Variants in SLC44A4 observed in about 807,000 individuals in gnomAD.
SLC44A4 encodes choline transporter-like protein 4.
In SLC44A4, 74 loss-of-function variants were observed where a neutral mutation model predicts 97.0. That is an observed-to-expected ratio of 0.76 (90% CI 0.63 to 0.93). SLC44A4 has a LOEUF of 0.93. Among genes scored for constraint, SLC44A4 ranks in the 40% least tolerant of loss-of-function variants. The pLI is 0.00. For missense variants in SLC44A4, 799 were observed against 902.9 expected (o/e 0.88, Z 1.48); for synonymous variants, 325 against 363.8 (o/e 0.89, Z 1.21).
chr6:31,874,735 C>T lies in SLC44A4; in HGVS notation c.454G>A (p.Val152Ile), dbSNP rs765418730. 5.6e-6 allele frequency: 9 copies of T among 1,612,074 alleles called. No homozygotes were observed. The highest frequency in any genetic ancestry group is 7.6e-6 in the Non-Finnish European group (9 of 1,179,010). The change falls in exon 6 of 21, where the codon GTA becomes ATA. Residue 152 changes from valine to isoleucine, a missense_variant. Val to Ile is a conservative substitution (Grantham distance 29). Transcript: ENST00000229729. The surrounding 1 kb of genome is among the most constrained non-coding windows in gnomAD (Gnocchi z 4.8). ...GCAATATTCACCATATTCCAGGGTA[C>T]CCCTGGCAGACAAAAGTTCCTGTTT... ...TKNRNFCLPG[V>I]PWNMTVITSL...
Position 31,874,503 on chromosome 6 carries a change from C to T in SLC44A4, c.486G>A (p.Leu162=). 1.2e-6 allele frequency: 2 copies of T among 1,612,904 alleles called. No individual in the cohort carries two copies. The highest frequency in any genetic ancestry group is 1.7e-6 in the Non-Finnish European group (2 of 1,179,926). Residue 162 remains leucine (L), a synonymous_variant, in exon 7 of 21, where the codon CTG becomes CTA. Transcript: ENST00000229729. The surrounding 1 kb of genome is among the most constrained non-coding windows in gnomAD (Gnocchi z 4.8). ...GGAAACTGGGGCAGAGTTCCTGTTG[C>T]AGGCTTGTGATCACCGTCTGTGGCA... ...VPWNMTVITS[L]QQELCPSFLL...
At chr6:31,863,776 C>A in intron 20 of SLC44A4, 28 bp from the exon 21 acceptor site, 1 of 1,611,180 alleles carries the variant, frequency 6.2e-7, no homozygotes, top group Non-Finnish European at 8.5e-7. Flanking sequence ...CCGGTTAGAG[C>A]GGACCCTGGG....
At chr6:31,875,623 G>C (rs946116458) in intron 4 of SLC44A4, among the ~76,000 whole-genome samples, 3 of 152,104 alleles carry the variant, frequency 2.0e-5, no homozygotes, top group Non-Finnish European at 4.4e-5. Flanking sequence ...CACTTAACAC[G>C]ACTCTCCACT....
In SLC44A4 at chr6:31,871,407, A is replaced by AG; in HGVS notation, c.618-11dup. On this transcript the variant is annotated splice_polypyrimidine_tract_variant and intron_variant, in intron 8 of 20. Transcript: ENST00000229729. ...GCTGTCAATAAGACCGCTGTTGGGGAGACAGAGTCAGATGGGGCTGTGGGT... is the reference window on the plus strand; with the variant it reads ...GCTGTCAATAAGACCGCTGTTGGGGAGGACAGAGTCAGATGGGGCTGTGGGT... 1 of 1,614,050 alleles carries AG rather than the reference A, an allele frequency of 6.2e-7. No homozygotes were observed. Among genetic ancestry groups the AG allele is most frequent in the Non-Finnish European group, 8.5e-7 (1 of 1,179,952 alleles).
rs1432385482 is a variant in SLC44A4, at chr6:31,877,988, A to G, written c.41-906T>C. The G allele has an allele frequency of 6.6e-6, 1 of 152,026 alleles. No homozygotes were observed. The highest frequency in any genetic ancestry group is 1.5e-5 in the Non-Finnish European group (1 of 68,062). The allele number at this position is 152,026 out of a possible 1,614,324, so 9.4% of individuals were successfully genotyped here. A position where few individuals can be genotyped will look rare whatever the true frequency, so the allele number is the denominator to read the frequency against. On this transcript the variant is annotated intron_variant, in intron 1 of 20. Coordinates refer to ENST00000229729, the MANE Select transcript of SLC44A4 (RefSeq NM_025257.3). This position sits in a 1 kb window ranked among gnomAD's most constrained non-coding sequence, Gnocchi z 6.5. ...GGGAGTCCTCACTGCCTGCTCCCCT[A>G]TGGCCCTAAGGGACTCAAGCCTCTC...
chr6:31,874,125 A>G lies in SLC44A4; in HGVS notation c.529+335T>C, dbSNP rs1190178905. Among the ~76,000 whole-genome samples, 1 of 151,826 alleles carries G rather than the reference A, an allele frequency of 6.6e-6. No individual in the cohort carries two copies. The highest frequency in any genetic ancestry group is 1.5e-5 in the Non-Finnish European group (1 of 67,958). On this transcript the variant is annotated intron_variant, in intron 7 of 20. Transcript: ENST00000229729. The surrounding 1 kb of genome is among the most constrained non-coding windows in gnomAD (Gnocchi z 4.8). ...GGAAGACTCCGTCAAAAAAAAAAAA[A>G]TGTGTGTGTAGATTCACCCATGTAT...
Position 31,864,903 on chromosome 6 carries a change from C to T in SLC44A4, c.1839G>A (p.Leu613=). ...KLLVVGGVGV[L]SFFFFSGRIP... The stretch of plus-strand genomic sequence containing the variant: ...TGCGACCGGAGAAAAAAAAGAAGGA[C>T]AGGACCCCTGTGGAATAATTCTGGG... Residue 613 remains leucine (L), a synonymous_variant, in exon 19 of 21, where the codon CTG becomes CTA. Transcript: ENST00000229729. 6.2e-7 allele frequency: 1 copy of T among 1,614,066 alleles called. No homozygotes were observed. The highest frequency in any genetic ancestry group is 1.3e-5 in the African/African-American group (1 of 75,028).
At chr6:31,871,898 C>T (rs1167454376) in intron 7 of SLC44A4, among the ~76,000 whole-genome samples, 1 of 152,124 alleles carries the variant, frequency 6.6e-6, no homozygotes, top group African/African-American at 2.4e-5. Flanking sequence ...TTCTGGGTCC[C>T]TTTGTGACTC....
chr6:31,865,059 G>A lies in SLC44A4; in HGVS notation c.1782C>T (p.Val594=). The A allele has an allele frequency of 1.2e-6, 2 of 1,613,516 alleles. No homozygotes were observed. The highest frequency in any genetic ancestry group is 1.7e-6 in the Non-Finnish European group (2 of 1,180,040). Residue 594 remains valine, a synonymous_variant, in exon 18 of 21, where the codon GTC becomes GTT. Coordinates refer to ENST00000229729, the MANE Select transcript of SLC44A4 (RefSeq NM_025257.3). The surrounding 1 kb of genome is among the most constrained non-coding windows in gnomAD (Gnocchi z 5.2). The part of the protein sequence containing the change: ...NIVRVVVLDK[V]TDLLLFFGKL... ...TCCCAAAGAACAGCAGCAGGTCTGT[G>A]ACTTTGTCCAGGACGACCACCCTGT...
In SLC44A4 at chr6:31,864,890, A is replaced by G. The variant is rs763357405; in HGVS notation, c.1852T>C (p.Phe618Leu). 8.0e-5 allele frequency: 129 copies of G among 1,613,910 alleles called. No individual in the cohort carries two copies. The highest frequency in any genetic ancestry group is 9.9e-5 in the Non-Finnish European group (117 of 1,179,968). The change falls in exon 19 of 21, where the codon TTC becomes CTC. Residue 618 changes from phenylalanine (F) to leucine (L), a missense_variant. Around this residue, in one of 3 missense-constraint regions of SLC44A4, gnomAD observed 379 missense variants for 438.3 expected, o/e 0.86. Transcript: ENST00000229729. ...GGVGVLSFFF[F>L]SGRIPGLGKD... ...CCCAGCCCCGGGATGCGACCGGAGAAAAAAAAGAAGGACAGGACCCCTGTG... is the reference window on the plus strand; with the variant it reads ...CCCAGCCCCGGGATGCGACCGGAGAGAAAAAAGAAGGACAGGACCCCTGTG...
intron 20 of SLC44A4, 117 bp from the exon 21 acceptor site, chr6:31,863,865 C>G: frequency 7.2e-7 from 1 of 1,379,996 alleles, no homozygotes; most frequent in East Asian, 2.4e-5. Flanking sequence ...TACCCCCGGG[C>G]AGGTTATGTA....
Position 31,864,753 on chromosome 6 carries a change from G to T in SLC44A4, c.1927-17C>A, listed in dbSNP as rs765344034. The stretch of plus-strand genomic sequence containing the variant: ...GATGGAGGTCTGGAAGACATGACCC[G>T]TTGGGGTTATTGGGTTCCTCTGGGG... On this transcript the variant is annotated splice_polypyrimidine_tract_variant and intron_variant, in intron 19 of 20. Transcript: ENST00000229729. 1.2e-6 allele frequency: 2 copies of T among 1,613,928 alleles called. No homozygotes were observed. The highest frequency in any genetic ancestry group is 1.7e-6 in the Non-Finnish European group (2 of 1,179,952).
chr6:31,867,302 C>T (rs1213683874), intron 13 of SLC44A4, among the ~76,000 whole-genome samples: 3 of 150,774 alleles, frequency 2.0e-5, no homozygotes, highest in Non-Finnish European at 2.9e-5. Flanking sequence ...ACCATATTGG[C>T]CAGGTTGGTC....
Position 31,876,007 on chromosome 6 carries a change from G to T in SLC44A4, c.163+49C>A, listed in dbSNP as rs373782527. The T allele has an allele frequency of 2.3e-4, 368 of 1,612,462 alleles. 1 individual carries two copies. The highest frequency in any genetic ancestry group is 2.8e-4 in the Non-Finnish European group (325 of 1,178,646). ...AGTTATGGGAATGGTCCCTCCCTGG[G>T]TTCCTGTCCCTCACCCACTGCCCTG... On this transcript the variant is annotated intron_variant, in intron 3 of 20. Transcript: ENST00000229729. The surrounding 1 kb of genome is among the most constrained non-coding windows in gnomAD (Gnocchi z 4.8).
rs1217579875 is a variant in SLC44A4, at chr6:31,863,593, G to A, written c.*34C>T. On this transcript the variant is annotated 3_prime_UTR_variant, in exon 21 of 21. Transcript: ENST00000229729. Reference sequence around the variant, plus strand: ...TGAGGTTGGATGGCTGGACGGTGGGGGTGGGGTGCAGTCCTGGATCAGGGC... The same window carrying A: ...TGAGGTTGGATGGCTGGACGGTGGGAGTGGGGTGCAGTCCTGGATCAGGGC... 1.3e-6 allele frequency: 2 copies of A among 1,581,792 alleles called. No individual in the cohort carries two copies. The highest frequency in any genetic ancestry group is 1.9e-5 in the Admixed American group (1 of 53,472).
Position 31,874,603 on chromosome 6 carries a change from GC to G in SLC44A4, c.469-84del, listed in dbSNP as rs1763340919. 3.2e-6 allele frequency: 5 copies of G among 1,572,566 alleles called. No individual in the cohort carries two copies. The highest frequency in any genetic ancestry group is 4.3e-6 in the Non-Finnish European group (5 of 1,157,722). ...CCCCTCACCACCACCATGGGGCTCA[GC>G]CTGTCCCACACTCCCCAGGAGAGCC... On this transcript the variant is annotated intron_variant, in intron 6 of 20. Coordinates refer to ENST00000229729, the MANE Select transcript of SLC44A4 (RefSeq NM_025257.3). The surrounding 1 kb of genome is among the most constrained non-coding windows in gnomAD (Gnocchi z 4.8).
In SLC44A4 at chr6:31,863,227, TTTTG is replaced by T. The variant is rs531693040; in HGVS notation, c.*396_*399del. ...TAACAAAATATCTTTAATAAAATCTTTTTGTTTGTTTGTTTTGTTTTGGAGACAG... is the reference window on the plus strand; with the variant it reads ...TAACAAAATATCTTTAATAAAATCTTTTTGTTTGTTTTGTTTTGGAGACAG... On this transcript the variant is annotated 3_prime_UTR_variant, in exon 21 of 21. Transcript: ENST00000229729. The T allele has an allele frequency of 4.3e-5, 10 of 232,304 alleles. No homozygotes were observed. Among genetic ancestry groups the T allele is most frequent in the African/African-American group, 1.8e-4 (8 of 43,922 alleles). 14.4% of individuals were successfully genotyped at this position (232,304 alleles called of 1,614,324 possible).
At position 31,877,739 on chromosome 6, in the gene SLC44A4, G is replaced by C; in HGVS notation, c.41-657C>G. ...AGTGACACCTGAGCCCAGCCATAGA[G>C]ATTGCAGGCACGTTGAGTTCCTGGT... On this transcript the variant is annotated intron_variant, in intron 1 of 20. Transcript: ENST00000229729. The surrounding 1 kb of genome is among the most constrained non-coding windows in gnomAD (Gnocchi z 6.5). The C allele has an allele frequency of 2.0e-6, 1 of 494,924 alleles. No homozygotes were observed. The highest frequency in any genetic ancestry group is 2.6e-6 in the Non-Finnish European group (1 of 381,628). 30.7% of individuals were successfully genotyped at this position (494,924 alleles called of 1,614,324 possible). A position where few individuals can be genotyped will look rare whatever the true frequency, so the allele number is the denominator to read the frequency against.
Position 31,865,980 on chromosome 6 carries a change from C to T in SLC44A4, c.1380G>A (p.Leu460=), listed in dbSNP as rs751551128. The part of the protein sequence containing the change: ...LFWTLNWVLA[L]GQCVLAGAFA... ...AGGCTCCAGCGAGGACGCATTGGCC[C>T]AGGGCCAGTACCCAGTTAAGGGTCC... The change falls in exon 14 of 21, where the codon CTG becomes CTA. Residue 460 remains leucine, a synonymous_variant. Transcript: ENST00000229729. The surrounding 1 kb of genome is among the most constrained non-coding windows in gnomAD (Gnocchi z 5.2). 1 of 1,614,218 alleles carries T rather than the reference C, an allele frequency of 6.2e-7. No homozygotes were observed.
Sources: gnomAD v4.1 joint callset for allele counts (sites outside exome capture counted in the v4.1 genomes callset) on GRCh38, gnomAD v4.1.1 for gene constraint, gnomAD v4.1.1 regional missense constraint, Gnocchi (gnomAD v3.1) non-coding constraint, MANE v1.5 for transcripts, NCBI Gene and HGNC (gene_info 2026-07-23, HGNC 2026-07-21) for gene names.